AIG1: variants seen among roughly 807,000 people sequenced by gnomAD.
AIG1 encodes the protein androgen induced 1.
In AIG1, 23 loss-of-function variants were observed where a neutral mutation model predicts 31.4. The ratio of observed to expected loss-of-function variants is 0.73; its 90% confidence interval spans 0.53 to 1.04. The LOEUF (loss-of-function observed/expected upper bound fraction) is 1.04. AIG1 is among the 50% of genes least tolerant of loss of function. AIG1 has a pLI of 0.00. For synonymous variants in AIG1, 100 were observed against 110.5 expected (o/e 0.90, Z 0.60); for missense variants, 274 against 295.0 (o/e 0.93, Z 0.52).
chr6:143,071,800 G>A (rs1317253001), intron 1 of AIG1, among the ~76,000 whole-genome samples: 4 of 149,828 alleles, frequency 2.7e-5, no homozygotes, highest in Non-Finnish European at 5.9e-5. Flanking sequence ...GTGTATGTGT[G>A]TGTGACTGAG....
In AIG1 at chr6:143,259,452, G is replaced by A. The variant is rs539843138; in HGVS notation, c.400-24658G>A. On this transcript the variant is annotated intron_variant, in intron 3 of 5. Transcript: ENST00000357847. ...GGCTACTTTCTCTACTATGCATTGCGGGCTCATCTCTTCTGCCATCTAGCC... is the reference window on the plus strand; with the variant it reads ...GGCTACTTTCTCTACTATGCATTGCAGGCTCATCTCTTCTGCCATCTAGCC... 1.8e-4 allele frequency among the ~76,000 whole-genome samples: 28 copies of A among 151,958 alleles called. No individual in the cohort carries two copies. In the South Asian group the frequency reaches 3.5e-3, roughly 19 times the overall value.
intron 3 of AIG1, among the ~76,000 whole-genome samples, chr6:143,233,260 T>G (rs1484445733): frequency 6.6e-6 from 1 of 152,150 alleles, no homozygotes; most frequent in Non-Finnish European, 1.5e-5. Flanking sequence ...ATTTTTTAAA[T>G]CTGAAATTTA....
At chr6:143,109,804 A>G (rs1781115167) in intron 1 of AIG1, among the ~76,000 whole-genome samples, 1 of 152,214 alleles carries the variant, frequency 6.6e-6, no homozygotes, top group South Asian at 2.1e-4. Context: ...ATACATGACA[A>G]ATATATTTTC....
At chr6:143,206,424 A>G (rs1343808944) in intron 3 of AIG1, among the ~76,000 whole-genome samples, 1 of 152,220 alleles carries the variant, frequency 6.6e-6, no homozygotes, top group Non-Finnish European at 1.5e-5. Flanking sequence ...TTGGTATAAT[A>G]TACTCACCTT....
chr6:143,302,101 T>C (rs187226480), intron 4 of AIG1, among the ~76,000 whole-genome samples: 3 of 152,098 alleles, frequency 2.0e-5, no homozygotes, highest in Non-Finnish European at 4.4e-5. Flanking sequence ...AGTTTGTGAT[T>C]GCACAGTAAT....
chr6:143,192,030 C>T (rs968135038), intron 3 of AIG1, among the ~76,000 whole-genome samples: 2 of 152,190 alleles, frequency 1.3e-5, no homozygotes, highest in Non-Finnish European at 2.9e-5. Flanking sequence ...GTAGATTATA[C>T]AGTTGAAAAC....
chr6:143,234,282 AAC>A lies in AIG1; in HGVS notation c.400-49817_400-49816del, dbSNP rs765424640. Reference sequence around the variant, plus strand: ...TCTTTTTATAATCTCTTGTTACACAAACACACACACACTTATAAAAGAAGAAA... The same window carrying A: ...TCTTTTTATAATCTCTTGTTACACAAACACACACACTTATAAAAGAAGAAA... On this transcript the variant is annotated intron_variant, in intron 3 of 5. Transcript: ENST00000357847. Among the ~76,000 whole-genome samples, 46 of 152,174 alleles carry A rather than the reference AAC, an allele frequency of 3.0e-4. 1 individual carries two copies. Among genetic ancestry groups the A allele is most frequent in the Admixed American group, 4.6e-4 (7 of 15,276 alleles).
chr6:143,182,286 A>G (rs374901409), intron 3 of AIG1, among the ~76,000 whole-genome samples: 3 of 152,240 alleles, frequency 2.0e-5, no homozygotes, highest in African/African-American at 7.2e-5. Flanking sequence ...CTCCTGCCTC[A>G]GCCTCCCAAA....
intron 1 of AIG1, among the ~76,000 whole-genome samples, chr6:143,118,444 C>T (rs1301772383): frequency 2.1e-5 from 3 of 141,800 alleles, no homozygotes; most frequent in Non-Finnish European, 4.5e-5. Context: ...GGCAACAGAG[C>T]GAGACTCCGT....
chr6:143,210,197 A>T (rs1348619419), intron 3 of AIG1, among the ~76,000 whole-genome samples: 1 of 152,224 alleles, frequency 6.6e-6, no homozygotes, highest in African/African-American at 2.4e-5. Flanking sequence ...GAAGAAGGAC[A>T]TGTTTGCTTC....
intron 1 of AIG1, among the ~76,000 whole-genome samples, chr6:143,123,253 A>G (rs567321088): frequency 5.9e-4 from 90 of 152,142 alleles, no homozygotes; most frequent in Non-Finnish European, 1.1e-3. Flanking sequence ...AGCTCTAGGG[A>G]TATGATGTTG....
chr6:143,069,562 C>T (rs1290361284), intron 1 of AIG1, among the ~76,000 whole-genome samples: 2 of 152,044 alleles, frequency 1.3e-5, no homozygotes, highest in African/African-American at 4.8e-5. Context: ...GTTTTGAGTT[C>T]CCCTCATGAC....
At chr6:143,183,658 C>A (rs1271693990) in intron 3 of AIG1, among the ~76,000 whole-genome samples, 5 of 152,144 alleles carry the variant, frequency 3.3e-5, no homozygotes, top group African/African-American at 1.2e-4. Context: ...AGTATTAGTT[C>A]ATCAAAAAGT....
intron 1 of AIG1, chr6:143,126,173 T>C (rs931017513): frequency 1.3e-5 from 2 of 152,206 alleles, no homozygotes; most frequent in Non-Finnish European, 2.9e-5. Flanking sequence ...TAGGAGAGGA[T>C]AATTCACCAG....
At chr6:143,101,900 G>C (rs1400923455) in intron 1 of AIG1, among the ~76,000 whole-genome samples, 1 of 152,068 alleles carries the variant, frequency 6.6e-6, no homozygotes, top group Non-Finnish European at 1.5e-5. Context: ...AATTTCTAAT[G>C]CCCAAGTTTC....
At chr6:143,278,419 GT>G (rs1296418096) in intron 3 of AIG1, among the ~76,000 whole-genome samples, 1 of 146,570 alleles carries the variant, frequency 6.8e-6, no homozygotes, top group African/African-American at 2.5e-5. Context: ...TTCTCATTCT[GT>G]TTAGGAGAGT....
At chr6:143,226,985 C>CTTTT (rs11431811) in intron 3 of AIG1, among the ~76,000 whole-genome samples, 23 of 113,568 alleles carry the variant, frequency 2.0e-4, no homozygotes, top group East Asian at 5.2e-4. Context: ...GAGTTTTTGT[C>CTTTT]TTTTTTTTTT....
At chr6:143,237,797 T>G (rs1230280061) in intron 3 of AIG1, among the ~76,000 whole-genome samples, 2 of 152,224 alleles carry the variant, frequency 1.3e-5, no homozygotes, top group Admixed American at 1.3e-4. Flanking sequence ...AGGAAGCTTT[T>G]GGCTACAAGT....
At chr6:143,094,001 C>T (rs907631310) in intron 1 of AIG1, 1 of 152,030 alleles carries the variant, frequency 6.6e-6, no homozygotes, top group Non-Finnish European at 1.5e-5. Flanking sequence ...CAAGGATTAC[C>T]AAAATGGGAC....
Sources: allele counts gnomAD v4.1 joint callset (sites outside exome capture counted in the v4.1 genomes callset), GRCh38; gene constraint gnomAD v4.1.1; transcripts MANE v1.5; gene names NCBI Gene and HGNC (gene_info 2026-07-23, HGNC 2026-07-21).